Variants in PRR14L observed in about 807,000 individuals in gnomAD.
The protein encoded by PRR14L is protein PRR14L.
A neutral mutation model predicts 155.0 loss-of-function variants in PRR14L; 80 were observed. The observed-to-expected ratio is 0.52, with a 90% confidence interval of 0.43 to 0.62. PRR14L has a LOEUF of 0.62. Ranked by LOEUF, PRR14L falls within the 20% of genes least tolerant of loss-of-function variation. The probability of loss-of-function intolerance (pLI) is 0.00; values close to 1 mark genes in which losing one functional copy is unlikely to be tolerated. For missense variants in PRR14L, 2,469 were observed against 2,548.0 expected (o/e 0.97, Z 0.67); for synonymous variants, 883 against 916.0 (o/e 0.96, Z 0.65).
At chr22:31,701,861 G>GAAGTGGTGC (rs2074564802) in intron 6 of PRR14L, 99 bp from the exon 7 acceptor site, 1 of 872,714 alleles carries the variant, frequency 1.1e-6, no homozygotes, top group Admixed American at 2.5e-5. Flanking sequence ...AGGCTGGTGT[G>GAAGTGGTGC]AAGTGGTGCA....
chr22:31,713,873 A>G lies in PRR14L; in HGVS notation c.3966T>C (p.His1322=). 1.9e-6 allele frequency: 3 copies of G among 1,552,124 alleles called. No individual in the cohort carries two copies. In the South Asian group the frequency reaches 3.6e-5, roughly 18 times the overall value. ...TATCTGTTTTCACTGTCAAAGGCAA[A>G]TGTCTGTCAGAGGAATTCTCGTGAG... is the stretch of plus-strand genomic sequence containing the variant. The part of the protein sequence containing the change: ...CHPHENSSDR[H]LPLTVKTDIK... Residue 1322 remains histidine, a synonymous_variant, in exon 4 of 9, where the codon CAT becomes CAC. Coordinates refer to ENST00000327423, the MANE Select transcript of PRR14L (RefSeq NM_173566.3).
intron 6 of PRR14L, among the ~76,000 whole-genome samples, chr22:31,702,874 G>A (rs997323535): frequency 6.7e-6 from 1 of 148,836 alleles, no homozygotes; most frequent in Non-Finnish European, 1.5e-5. Flanking sequence ...GTGCAGTGAT[G>A]CAATCTGGGG....
chr22:31,682,612 A>C lies in PRR14L; in HGVS notation c.*2915T>G, dbSNP rs1569496650. The C allele has an allele frequency of 6.6e-6, 1 of 152,164 alleles. No individual in the cohort carries two copies. Among genetic ancestry groups the C allele is most frequent in the Non-Finnish European group, 1.5e-5 (1 of 68,040 alleles). 9.4% of individuals were successfully genotyped at this position (152,164 alleles called of 1,614,324 possible). On this transcript the variant is annotated 3_prime_UTR_variant, in exon 9 of 9. Coordinates refer to ENST00000327423, the MANE Select transcript of PRR14L (RefSeq NM_173566.3). Reference sequence around the variant, plus strand: ...AGATGGAAAAAAAAACAAAAAACAAAACACAGTTGAAAGTTTCAGTGAAAA... The same window carrying C: ...AGATGGAAAAAAAAACAAAAAACAACACACAGTTGAAAGTTTCAGTGAAAA...
At chr22:31,711,408 T>C (rs2074621241) in intron 4 of PRR14L, among the ~76,000 whole-genome samples, 1 of 152,086 alleles carries the variant, frequency 6.6e-6, no homozygotes, top group East Asian at 1.9e-4. Context: ...GAGGCAGAAG[T>C]TGTGGTCAGC....
chr22:31,749,879 G>A (rs1385374161), intron 1 of PRR14L, 114 bp downstream of exon 1: 3 of 152,546 alleles, frequency 2.0e-5, no homozygotes, highest in Admixed American at 6.5e-5. Flanking sequence ...TCCGCGCCCC[G>A]AGAGGGCGGG....
At chr22:31,718,176 C>A (rs1453241992) in intron 3 of PRR14L, among the ~76,000 whole-genome samples, 6 of 151,548 alleles carry the variant, frequency 4.0e-5, no homozygotes, top group Non-Finnish European at 8.8e-5. Context: ...GACCCGCCTG[C>A]CTCGGCCTCC....
chr22:31,701,233 C>T (rs1293070448), intron 7 of PRR14L, among the ~76,000 whole-genome samples: 1 of 152,130 alleles, frequency 6.6e-6, no homozygotes, highest in Non-Finnish European at 1.5e-5. Flanking sequence ...GGTGATCTCC[C>T]CACCTCGGCC....
At chr22:31,706,176 CA>C (rs1312349806) in intron 4 of PRR14L, among the ~76,000 whole-genome samples, 2 of 151,392 alleles carry the variant, frequency 1.3e-5, no homozygotes, top group Admixed American at 1.3e-4. Context: ...TACAAAAATA[CA>C]AAAACTAGCT....
Position 31,712,870 on chromosome 22 carries a change from T to C in PRR14L, c.4969A>G (p.Lys1657Glu), listed in dbSNP as rs988329229. Residue 1657 changes from lysine to glutamate, a missense_variant, in exon 4 of 9, where the codon AAA (lysine) becomes GAA (glutamate). Lys to Glu is a moderately conservative substitution (Grantham distance 56, BLOSUM62 1). Transcript: ENST00000327423. The part of the protein sequence containing the change: ...MAKSYKRLRY[K>E]RLLDGFSSST... Reference sequence around the variant, plus strand: ...GATGAAAATCCGTCCAGGAGTCTTTTATATCTGAGGCGCTTGTAGCTTTTA... The same window carrying C: ...GATGAAAATCCGTCCAGGAGTCTTTCATATCTGAGGCGCTTGTAGCTTTTA... 7 of 1,551,846 alleles carry C rather than the reference T, an allele frequency of 4.5e-6. No individual in the cohort carries two copies. Among genetic ancestry groups the C allele is most frequent in the African/African-American group, 4.1e-5 (3 of 73,056 alleles).
rs775389873 is a variant in PRR14L, at chr22:31,712,247, C to T, written c.5592G>A (p.Arg1864=). 6.2e-7 allele frequency: 1 copy of T among 1,614,168 alleles called. No individual in the cohort carries two copies. Among genetic ancestry groups the T allele is most frequent in the Non-Finnish European group, 8.5e-7 (1 of 1,180,034 alleles). The change falls in exon 4 of 9, where the codon CGG becomes CGA. Residue 1864 remains arginine, a synonymous_variant. Transcript: ENST00000327423. ...CCTTGTCTGCTATGGAGGCTGGAGA[C>T]CGTAACCCTTTCAGGCCCTGTGTAA... is the stretch of plus-strand genomic sequence containing the variant. ...TQFTQGLKGL[R]SPASIADKVF... is the part of the protein sequence containing the mutation.
chr22:31,715,498 G>C lies in PRR14L; in HGVS notation c.2341C>G (p.Gln781Glu). The C allele has an allele frequency of 6.4e-7, 1 of 1,552,218 alleles. No individual in the cohort carries two copies. Among genetic ancestry groups the C allele is most frequent in the Non-Finnish European group, 8.7e-7 (1 of 1,147,076 alleles). ...TGACAGCTAGAGATATCCTGAGATT[G>C]AACGCTGTGACATTCTATGACAGAG... The part of the protein sequence containing the change: ...VVSVIECHSV[Q>E]SQDISSCHRV... Residue 781 changes from glutamine (Q) to glutamate (E), a missense_variant, in exon 4 of 9, where the codon CAA (glutamine) becomes GAA (glutamate). Gln to Glu is a conservative substitution (Grantham distance 29). Around this residue, in one of 2 missense-constraint regions of PRR14L, gnomAD observed 2,363 missense variants for 2,371.6 expected, o/e 1.00. Transcript: ENST00000327423.
At chr22:31,685,881 G>T in intron 8 of PRR14L, 78 bp from the exon 9 acceptor site, 1 of 1,336,148 alleles carries the variant, frequency 7.5e-7, no homozygotes, top group East Asian at 2.5e-5. Flanking sequence ...GGATGTTGAC[G>T]CTGGGTCAAC....
At chr22:31,723,088 C>A (rs891145753) in intron 3 of PRR14L, among the ~76,000 whole-genome samples, 2 of 152,116 alleles carry the variant, frequency 1.3e-5, no homozygotes, top group Admixed American at 1.3e-4. Flanking sequence ...ACATGCAACA[C>A]AGGAATACCC....
chr22:31,709,911 G>A (rs1030107327), intron 4 of PRR14L, among the ~76,000 whole-genome samples: 1 of 151,990 alleles, frequency 6.6e-6, no homozygotes, highest in Non-Finnish European at 1.5e-5. Context: ...GGGACTACAG[G>A]CATGAGCCAC....
At chr22:31,706,428 C>CTTTTTTTTTTTTTTTTTTTT (rs771902267) in intron 4 of PRR14L, among the ~76,000 whole-genome samples, 3 of 142,270 alleles carry the variant, frequency 2.1e-5, no homozygotes, top group Admixed American at 7.3e-5. Flanking sequence ...TAAACTCTTC[C>CTTTTTTTTTTTTTTTTTTTT]TTTTTCTTTT....
chr22:31,737,810 C>T lies in PRR14L; in HGVS notation c.474+577G>A, dbSNP rs139772298. ...GGTGGATTACTTGAAGTCAGGAGTTCGAGACCAGCCTGGCCAACATGACGA... is the reference window on the plus strand; with the variant it reads ...GGTGGATTACTTGAAGTCAGGAGTTTGAGACCAGCCTGGCCAACATGACGA... On this transcript the variant is annotated intron_variant, in intron 2 of 8. Transcript: ENST00000327423. Among the ~76,000 whole-genome samples the T allele has an allele frequency of 4.2e-4, 64 of 151,886 alleles. No individual in the cohort carries two copies. In the East Asian group the frequency reaches 0.011, roughly 27 times the overall value.
chr22:31,749,410 GTCTTCCTCTC>G (rs1307146948), intron 1 of PRR14L, among the ~76,000 whole-genome samples: 12 of 152,170 alleles, frequency 7.9e-5, no homozygotes, highest in Non-Finnish European at 1.5e-4. Context: ...AAATTTCAAG[GTCTTCCTCTC>G]CGTATCTTGG....
chr22:31,714,587 C>A lies in PRR14L; in HGVS notation c.3252G>T (p.Glu1084Asp), dbSNP rs1422571388. The A allele has an allele frequency of 6.4e-7, 1 of 1,551,960 alleles. No homozygotes were observed. Among genetic ancestry groups the A allele is most frequent in the East Asian group, 2.4e-5 (1 of 40,930 alleles). Residue 1084 changes from glutamate to aspartate, a missense_variant, in exon 4 of 9, where the codon GAG becomes GAT. This residue lies in a region of PRR14L where 2,363 missense variants were observed against 2,371.6 expected (regional missense o/e 1.00). Transcript: ENST00000327423. ...SNLLDCGARQ[E>D]KLAFQEDSRS... ...TGGAGTCCTCTTGAAATGCCAGTTT[C>A]TCTTGCCTTGCACCACAATCCAGTA... is the stretch of plus-strand genomic sequence containing the variant.
intron 1 of PRR14L, among the ~76,000 whole-genome samples, chr22:31,741,389 G>A (rs908959416): frequency 8.6e-5 from 13 of 151,990 alleles, no homozygotes; most frequent in African/African-American, 3.1e-4. Flanking sequence ...TTGAACCTGG[G>A]AGGCAGAGGT....
Sources: allele counts gnomAD v4.1 joint callset (sites outside exome capture counted in the v4.1 genomes callset), GRCh38; gene constraint gnomAD v4.1.1; regional missense constraint gnomAD v4.1.1; transcripts MANE v1.5; gene names NCBI Gene and HGNC (gene_info 2026-07-23, HGNC 2026-07-21).